Variants in RBM27 observed in about 807,000 individuals in gnomAD.
The protein encoded by RBM27 is RNA binding motif protein 27, also known as RNA-binding protein 27.
In RBM27, 22 loss-of-function variants were observed where a neutral mutation model predicts 135.3. That is an observed-to-expected ratio of 0.16 (90% CI 0.12 to 0.23). The LOEUF (loss-of-function observed/expected upper bound fraction) is 0.23, where lower values mean the gene tolerates loss of function less well. RBM27 is among the 10% of genes least tolerant of loss of function. The pLI, the probability that RBM27 is intolerant of heterozygous loss-of-function variation, is 1.00. For synonymous variants in RBM27, 481 were observed against 442.4 expected (o/e 1.09, Z -1.10); for missense variants, 1,009 against 1,281.0 (o/e 0.79, Z 3.24).
Position 146,254,929 on chromosome 5 carries a change from T to C in RBM27, c.1445-14T>C. On this transcript the variant is annotated splice_polypyrimidine_tract_variant and intron_variant, in intron 9 of 20. Transcript: ENST00000265271. Reference sequence around the variant, plus strand: ...CTGATTTGTTGTGTGTTTTGTTGCTTTGTTTTCCCTCAGATACATATGAAC... The same window carrying C: ...CTGATTTGTTGTGTGTTTTGTTGCTCTGTTTTCCCTCAGATACATATGAAC... 1 of 1,539,658 alleles carries C rather than the reference T, an allele frequency of 6.5e-7. No individual in the cohort carries two copies. The highest frequency in any genetic ancestry group is 1.2e-5 in the South Asian group (1 of 83,824).
chr5:146,261,489 T>C, intron 12 of RBM27, 21 bp from the exon 13 acceptor site: 1 of 1,591,150 alleles, frequency 6.3e-7, no homozygotes, highest in Non-Finnish European at 8.6e-7. Context: ...TGGGAATTTA[T>C]ATTGTTTTAT....
At chr5:146,223,846 T>C (rs1756559011) in intron 3 of RBM27, among the ~76,000 whole-genome samples, 1 of 152,188 alleles carries the variant, frequency 6.6e-6, no homozygotes, top group African/African-American at 2.4e-5. Flanking sequence ...TAACAAATCC[T>C]CAAGAGAAAT....
At chr5:146,257,199 C>T (rs1758142482) in intron 10 of RBM27, among the ~76,000 whole-genome samples, 1 of 152,224 alleles carries the variant, frequency 6.6e-6, no homozygotes, top group African/African-American at 2.4e-5. Flanking sequence ...TAACCATATA[C>T]CTACCCCAGC....
intron 7 of RBM27, among the ~76,000 whole-genome samples, chr5:146,235,194 T>A (rs760849067): frequency 3.3e-5 from 5 of 152,138 alleles, no homozygotes; most frequent in Admixed American, 6.6e-5. Flanking sequence ...GAATTATAAT[T>A]ACGGAAATTG....
In RBM27 at chr5:146,288,643, C is replaced by G. The variant is rs900394631; in HGVS notation, c.*2613C>G. Reference sequence around the variant, plus strand: ...TAACATACAGCATCTAAAGCAAGTTCTGTCCCTCTTAATGTGTATGACATC... The same window carrying G: ...TAACATACAGCATCTAAAGCAAGTTGTGTCCCTCTTAATGTGTATGACATC... On this transcript the variant is annotated 3_prime_UTR_variant, in exon 21 of 21. Transcript: ENST00000265271. 2 of 152,090 alleles carry G rather than the reference C, an allele frequency of 1.3e-5. No homozygotes were observed. Among genetic ancestry groups the G allele is most frequent in the Non-Finnish European group, 2.9e-5 (2 of 67,940 alleles). 9.4% of individuals were successfully genotyped at this position (152,090 alleles called of 1,614,324 possible).
chr5:146,277,167 T>C (rs1759126169), intron 19 of RBM27, among the ~76,000 whole-genome samples: 1 of 152,192 alleles, frequency 6.6e-6, no homozygotes, highest in Non-Finnish European at 1.5e-5. Flanking sequence ...TAGTTACTGC[T>C]TTTAGAACAT....
chr5:146,261,452 A>G, intron 12 of RBM27, 58 bp from the exon 13 acceptor site: 1 of 1,424,638 alleles, frequency 7.0e-7, no homozygotes. Flanking sequence ...GCAGTGGGTC[A>G]TAATTTATTT....
intron 8 of RBM27, among the ~76,000 whole-genome samples, chr5:146,247,508 TA>T (rs1230817063): frequency 6.6e-6 from 1 of 152,224 alleles, no homozygotes; most frequent in African/African-American, 2.4e-5. Flanking sequence ...CTTAAGTCTT[TA>T]TAGAAATATC....
intron 2 of RBM27, among the ~76,000 whole-genome samples, chr5:146,221,169 A>T (rs1756448840): frequency 6.6e-6 from 1 of 152,114 alleles, no homozygotes. Context: ...AAAGTTAGAA[A>T]GGATTTTAGT....
intron 2 of RBM27, among the ~76,000 whole-genome samples, chr5:146,221,412 A>G (rs1237583175): frequency 6.6e-6 from 1 of 152,118 alleles, no homozygotes; most frequent in African/African-American, 2.4e-5. Context: ...TGAGCACTTG[A>G]TATCTGGTAA....
intron 1 of RBM27, among the ~76,000 whole-genome samples, chr5:146,214,063 G>A (rs1339569476): frequency 6.6e-6 from 1 of 152,102 alleles, no homozygotes; most frequent in African/African-American, 2.4e-5. Context: ...AAAAAGACAT[G>A]GTTGTGAAAC....
Position 146,237,285 on chromosome 5 carries a change from T to C in RBM27, c.1145-13T>C. ...TAATGCTGTACTTTTCACTTTTTGT[T>C]GTCTGTATGTAGGACCACCTATAAC... On this transcript the variant is annotated splice_polypyrimidine_tract_variant and intron_variant, in intron 7 of 20. Coordinates refer to ENST00000265271, the MANE Select transcript of RBM27 (RefSeq NM_018989.2). The C allele has an allele frequency of 6.2e-7, 1 of 1,613,840 alleles. No individual in the cohort carries two copies. Among genetic ancestry groups the C allele is most frequent in the Non-Finnish European group, 8.5e-7 (1 of 1,179,878 alleles).
At chr5:146,240,369 C>T (rs1442141045) in intron 8 of RBM27, among the ~76,000 whole-genome samples, 1 of 152,066 alleles carries the variant, frequency 6.6e-6, no homozygotes, top group Non-Finnish European at 1.5e-5. Flanking sequence ...CTTTGTCGCC[C>T]AGGCTGGAGT....
At chr5:146,231,116 G>A (rs1014789871) in intron 6 of RBM27, among the ~76,000 whole-genome samples, 199 bp downstream of exon 6, 1 of 151,968 alleles carries the variant, frequency 6.6e-6, no homozygotes, top group Non-Finnish European at 1.5e-5. Flanking sequence ...CCATCTCCCG[G>A]GTTCAAGCGA....
chr5:146,240,139 T>G (rs1235733428), intron 8 of RBM27, among the ~76,000 whole-genome samples: 1 of 152,086 alleles, frequency 6.6e-6, no homozygotes, highest in African/African-American at 2.4e-5. Flanking sequence ...TTCCTCAACA[T>G]GCATCTTCTC....
rs1759583210 is a variant in RBM27, at chr5:146,286,419, ACT to A, written c.*393_*394del. ...TGTCAAAATCACCTGTAATCTTTTA[ACT>A]CTCAGTTGTTATGGATGGGTCATCA... On this transcript the variant is annotated 3_prime_UTR_variant, in exon 21 of 21. Coordinates refer to ENST00000265271, the MANE Select transcript of RBM27 (RefSeq NM_018989.2). 1 of 154,876 alleles carries A rather than the reference ACT, an allele frequency of 6.5e-6. No homozygotes were observed. Among genetic ancestry groups the A allele is most frequent in the Non-Finnish European group, 1.4e-5 (1 of 70,076 alleles). The allele number at this position is 154,876 out of a possible 1,614,324, so 9.6% of individuals were successfully genotyped here. A position where few individuals can be genotyped will look rare whatever the true frequency, so the allele number is the denominator to read the frequency against.
intron 19 of RBM27, among the ~76,000 whole-genome samples, chr5:146,283,999 C>G (rs1269576263): frequency 6.6e-6 from 1 of 151,950 alleles, no homozygotes; most frequent in Non-Finnish European, 1.5e-5. Context: ...ATTTGCTTTC[C>G]CCTATTGGAA....
chr5:146,255,283 T>A (rs544230615), intron 10 of RBM27, among the ~76,000 whole-genome samples, 191 bp downstream of exon 10: 3 of 152,332 alleles, frequency 2.0e-5, no homozygotes, highest in African/African-American at 7.2e-5. Flanking sequence ...ATTTTAAAGC[T>A]ATAGTTAGGC....
In RBM27 at chr5:146,269,202, T is replaced by C. The variant is rs767020897; in HGVS notation, c.2452-5T>C. On this transcript the variant is annotated splice_polypyrimidine_tract_variant and splice_region_variant and intron_variant, in intron 15 of 20. Transcript: ENST00000265271. ...TCTGTATTAATTTCTTTTTTACTTA[T>C]ACAGGAAGCAATGAAGTTACAACAA... The C allele has an allele frequency of 3.1e-6, 5 of 1,589,682 alleles. No individual in the cohort carries two copies. The highest frequency in any genetic ancestry group is 4.3e-6 in the Non-Finnish European group (5 of 1,164,548).
Sources: gnomAD v4.1 joint callset for allele counts (sites outside exome capture counted in the v4.1 genomes callset) on GRCh38, gnomAD v4.1.1 for gene constraint, MANE v1.5 for transcripts, NCBI Gene and HGNC (gene_info 2026-07-23, HGNC 2026-07-21) for gene names.